The following PKP2 variants were observed in gnomAD, a reference collection of about 807,000 sequenced individuals.
PKP2 encodes the protein plakophilin 2, also known as plakophilin-2.
In PKP2, 73 loss-of-function variants were observed where a neutral mutation model predicts 83.4. The observed-to-expected ratio is 0.88, with a 90% CI of 0.72 to 1.06. The LOEUF is 1.06. Ranked by LOEUF, PKP2 falls within the 50% of genes least tolerant of loss-of-function variation. PKP2 has a pLI of 0.00. For synonymous variants in PKP2, 409 were observed against 430.4 expected (o/e 0.95, Z 0.62); for missense variants, 966 against 1,065.4 (o/e 0.91, Z 1.30).
chr12:32,824,138 A>C lies in PKP2; in HGVS notation c.1581T>G (p.Asp527Glu). The C allele has an allele frequency of 6.2e-7, 1 of 1,612,726 alleles. No homozygotes were observed. The highest frequency in any genetic ancestry group is 8.5e-7 in the Non-Finnish European group (1 of 1,179,062). Residue 527 changes from aspartate to glutamate, a missense_variant, in exon 7 of 13, where the codon GAT becomes GAG. Coordinates refer to ENST00000340811, the MANE Select transcript of PKP2 (RefSeq NM_001005242.3). ...CACATCTTCTCATCGCTTTTCTCCCATCAGCGCCAGCAGAACTCATGTTTC... is the reference window on the plus strand; with the variant it reads ...CACATCTTCTCATCGCTTTTCTCCCCTCAGCGCCAGCAGAACTCATGTTTC... ...CLRNMSSAGA[D>E]GRKAMRRCDG...
chr12:32,813,896 C>T (rs1956298879), intron 9 of PKP2, among the ~76,000 whole-genome samples: 1 of 152,086 alleles, frequency 6.6e-6, no homozygotes, highest in African/African-American at 2.4e-5. Context: ...GTGTCCATGA[C>T]TCAAAGGAAT....
At chr12:32,822,785 G>A (rs1414977974) in intron 7 of PKP2, among the ~76,000 whole-genome samples, 154 bp from the exon 8 acceptor site, 1 of 152,166 alleles carries the variant, frequency 6.6e-6, no homozygotes, top group African/African-American at 2.4e-5. Context: ...CAATGAGTAT[G>A]GCTAGAAAAG....
chr12:32,867,462 T>G (rs1956859863), intron 4 of PKP2, among the ~76,000 whole-genome samples: 1 of 152,204 alleles, frequency 6.6e-6, no homozygotes, highest in African/African-American at 2.4e-5. Context: ...ATCTTGATTG[T>G]GATGATGGTT....
At chr12:32,874,144 A>G (rs1485489770) in intron 3 of PKP2, among the ~76,000 whole-genome samples, 1 of 152,192 alleles carries the variant, frequency 6.6e-6, no homozygotes, top group Non-Finnish European at 1.5e-5. Flanking sequence ...GGTTTTGTCC[A>G]GTTAATATTC....
At chr12:32,796,773 T>A (rs193056001) in intron 10 of PKP2, among the ~76,000 whole-genome samples, 2 of 152,238 alleles carry the variant, frequency 1.3e-5, no homozygotes, top group Admixed American at 1.3e-4. Context: ...AACAAATTTT[T>A]AAAAATATTT....
intron 5 of PKP2, among the ~76,000 whole-genome samples, chr12:32,843,716 C>A (rs1001583837): frequency 1.3e-5 from 2 of 152,178 alleles, no homozygotes; most frequent in African/African-American, 4.8e-5. Flanking sequence ...TGTCCCTCAG[C>A]CACAGGTTTT....
intron 9 of PKP2, among the ~76,000 whole-genome samples, chr12:32,808,735 G>GT (rs1292574457): frequency 2.0e-5 from 3 of 152,110 alleles, no homozygotes; most frequent in Admixed American, 2.0e-4. Context: ...TGTTGTTGTT[G>GT]TTTTTTTCTT....
intron 4 of PKP2, among the ~76,000 whole-genome samples, chr12:32,862,546 G>GACGCAGGAGAATCGCTTGA (rs1189195370): frequency 3.3e-5 from 5 of 152,190 alleles, no homozygotes; most frequent in Non-Finnish European, 5.9e-5. Context: ...TCGGGAGGCT[G>GACGCAGGAGAATCGCTTGA]ACGCAGGAGA....
intron 5 of PKP2, among the ~76,000 whole-genome samples, chr12:32,841,915 GC>G (rs1361171026): frequency 6.6e-6 from 1 of 152,152 alleles, no homozygotes. Context: ...AACTTGCATG[GC>G]CTAAGTACTG....
intron 9 of PKP2, among the ~76,000 whole-genome samples, chr12:32,816,559 G>A (rs547585964): frequency 1.3e-5 from 2 of 152,252 alleles, no homozygotes; most frequent in African/African-American, 2.4e-5. Flanking sequence ...ATGAGTGCAC[G>A]TGTCTTCTTG....
intron 10 of PKP2, among the ~76,000 whole-genome samples, chr12:32,799,753 A>C (rs1422764462): frequency 6.6e-6 from 1 of 152,184 alleles, no homozygotes; most frequent in Non-Finnish European, 1.5e-5. Context: ...AAGGAACAAG[A>C]GTTATATAAT....
At chr12:32,843,085 T>G (rs1000781963) in intron 5 of PKP2, 1 of 367,810 alleles carries the variant, frequency 2.7e-6, no homozygotes, top group Non-Finnish European at 5.4e-6. Context: ...GTTCAAGTGA[T>G]TCTCCTGCCT....
chr12:32,858,099 ATATATATATATATATATT>A (rs1956768854), intron 4 of PKP2, among the ~76,000 whole-genome samples: 1 of 97,298 alleles, frequency 1.0e-5, no homozygotes, highest in African/African-American at 4.2e-5. Flanking sequence ...ATATATATAT[ATATATATATATATATATT>A]TATATATATT....
intron 9 of PKP2, 38 bp downstream of exon 9, chr12:32,821,318 A>G (rs1956373385): frequency 1.9e-6 from 3 of 1,563,720 alleles, no homozygotes; most frequent in Non-Finnish European, 2.6e-6. Flanking sequence ...CTACAATATC[A>G]TTATTTTAAA....
chr12:32,838,617 T>C (rs746356440), intron 6 of PKP2, among the ~76,000 whole-genome samples: 4 of 152,240 alleles, frequency 2.6e-5, no homozygotes, highest in Non-Finnish European at 4.4e-5. Flanking sequence ...TATTCACCAA[T>C]TTCACCATCA....
At chr12:32,836,161 G>A (rs1240724043) in intron 6 of PKP2, among the ~76,000 whole-genome samples, 3 of 152,154 alleles carry the variant, frequency 2.0e-5, no homozygotes, top group African/African-American at 2.4e-5. Context: ...GGAAACTTAC[G>A]TGGGCACATG....
intron 6 of PKP2, among the ~76,000 whole-genome samples, chr12:32,838,021 GCA>G (rs1271992831): frequency 6.6e-6 from 1 of 152,106 alleles, no homozygotes; most frequent in African/African-American, 2.4e-5. Flanking sequence ...TATCAAAAAG[GCA>G]CATGCGCTCG....
At chr12:32,860,078 A>T (rs1192615412) in intron 4 of PKP2, among the ~76,000 whole-genome samples, 1 of 152,210 alleles carries the variant, frequency 6.6e-6, no homozygotes, top group Non-Finnish European at 1.5e-5. Context: ...AAAATGAGTA[A>T]ATGATGGATA....
At chr12:32,878,890 T>A (rs1416190719) in intron 2 of PKP2, 30 bp downstream of exon 2, 1 of 1,099,174 alleles carries the variant, frequency 9.1e-7, no homozygotes, top group Admixed American at 1.7e-5. Context: ...AGTAATCTGA[T>A]CACTAGGGTT....
Sources: gnomAD v4.1 joint callset for allele counts (sites outside exome capture counted in the v4.1 genomes callset) on GRCh38, gnomAD v4.1.1 for gene constraint, MANE v1.5 for transcripts, NCBI Gene and HGNC (gene_info 2026-07-23, HGNC 2026-07-21) for gene names.